Variants in WDR88 observed in about 807,000 individuals in gnomAD.
WDR88 encodes the protein WD repeat-containing protein 88.
Under a neutral mutation model 46.8 loss-of-function variants are expected in WDR88, and 40 were observed. That is an observed-to-expected ratio of 0.86 (90% CI 0.66 to 1.11). The LOEUF is 1.11. WDR88 is among the 50% of genes most tolerant of loss of function. WDR88 has a pLI of 0.00. For synonymous variants in WDR88, 235 were observed against 240.7 expected (o/e 0.98, Z 0.22); for missense variants, 562 against 602.4 (o/e 0.93, Z 0.70).
chr19:33,132,126 C>T lies in WDR88; in HGVS notation c.-44C>T. On this transcript the variant is annotated 5_prime_UTR_variant, in exon 1 of 11. Transcript: ENST00000355868. ...GGCGCGGGCGCGCGGCGCCACCGTT[C>T]CCATCCAGGCTTGTCGGCGGCCACC... 6.5e-7 allele frequency: 1 copy of T among 1,533,624 alleles called. No individual in the cohort carries two copies. The highest frequency in any genetic ancestry group is 8.7e-7 in the Non-Finnish European group (1 of 1,145,060).
In WDR88 at chr19:33,147,637, A is replaced by T. The variant is rs1973546473; in HGVS notation, c.477-8A>T. ...AACCAGTGTTCGTCATCGTCATCTT[A>T]TTTCCAGAGTCATTGCCGCATCCTA... is the stretch of plus-strand genomic sequence containing the variant. On this transcript the variant is annotated splice_polypyrimidine_tract_variant and splice_region_variant and intron_variant, in intron 3 of 10. Transcript: ENST00000355868. The T allele has an allele frequency of 6.2e-7, 1 of 1,613,312 alleles. No individual in the cohort carries two copies. Among genetic ancestry groups the T allele is most frequent in the Non-Finnish European group, 8.5e-7 (1 of 1,179,730 alleles).
At chr19:33,163,535 AC>A (rs201487151) in intron 8 of WDR88, among the ~76,000 whole-genome samples, 5 of 152,036 alleles carry the variant, frequency 3.3e-5, no homozygotes, top group African/African-American at 1.2e-4. Flanking sequence ...AACAACAACA[AC>A]AAAAAAAATA....
chr19:33,165,304 G>A (rs556201001), intron 9 of WDR88, among the ~76,000 whole-genome samples: 7 of 151,884 alleles, frequency 4.6e-5, no homozygotes, highest in African/African-American at 7.3e-5. Flanking sequence ...TGGGAGAGGC[G>A]CTGCCTAGCA....
intron 7 of WDR88, among the ~76,000 whole-genome samples, chr19:33,159,284 G>A (rs1384406456): frequency 6.6e-6 from 1 of 151,608 alleles, no homozygotes; most frequent in Non-Finnish European, 1.5e-5. Context: ...GCTGTGAGCT[G>A]ATTGCATCAC....
chr19:33,145,694 C>A (rs929037614), intron 3 of WDR88, among the ~76,000 whole-genome samples: 5 of 152,046 alleles, frequency 3.3e-5, no homozygotes, highest in Non-Finnish European at 7.4e-5. Context: ...ACCACCACAG[C>A]TGGCTAATTT....
chr19:33,141,175 G>A (rs1179477169), intron 2 of WDR88, among the ~76,000 whole-genome samples: 1 of 149,016 alleles, frequency 6.7e-6, no homozygotes, highest in East Asian at 2.0e-4. Context: ...TGGCTCAAGC[G>A]ACTCTCCTGC....
At chr19:33,162,944 T>C (rs1973893482) in intron 8 of WDR88, among the ~76,000 whole-genome samples, 1 of 152,024 alleles carries the variant, frequency 6.6e-6, no homozygotes, top group African/African-American at 2.4e-5. Context: ...ATGCCTGTAA[T>C]CCCAGCACTT....
intron 9 of WDR88, among the ~76,000 whole-genome samples, chr19:33,170,384 T>C (rs901305553): frequency 3.3e-5 from 5 of 152,032 alleles, no homozygotes; most frequent in Non-Finnish European, 7.4e-5. Flanking sequence ...TTTCCCATGT[T>C]GCCCAGGCTG....
Position 33,147,667 on chromosome 19 carries a change from A to G in WDR88, c.499A>G (p.Lys167Glu), listed in dbSNP as rs779572529. 2 of 1,613,986 alleles carry G rather than the reference A, an allele frequency of 1.2e-6. No homozygotes were observed. The highest frequency in any genetic ancestry group is 1.7e-6 in the Non-Finnish European group (2 of 1,179,950). The change falls in exon 4 of 11, where the codon AAG becomes GAG. Residue 167 changes from lysine (K) to glutamate (E), a missense_variant. By Grantham distance (56) the Lys-to-Glu change is moderately conservative (BLOSUM62 1). Coordinates refer to ENST00000355868, the MANE Select transcript of WDR88 (RefSeq NM_173479.4). ...SSRVIAASYD[K>E]TVRAWDLETG... ...CAGAGTCATTGCCGCATCCTATGAT[A>G]AGACAGTGAGGGCCTGGGACCTGGA...
rs535161653 is a variant in WDR88 at position 33,163,116 on chromosome 19, G to A, written c.1081-1081G>A. On this transcript the variant is annotated intron_variant, in intron 8 of 10. Coordinates refer to ENST00000355868, the MANE Select transcript of WDR88 (RefSeq NM_173479.4). ...TGGGAGGCCGAGGCAGGCAGATCAC[G>A]AAGTCAGAAGATCGAGACCATCCTG... 2.1e-3 allele frequency among the ~76,000 whole-genome samples: 321 copies of A among 152,200 alleles called. 1 individual carries two copies. Among genetic ancestry groups the A allele is most frequent in the African/African-American group, 6.7e-3 (280 of 41,522 alleles).
intron 10 of WDR88, chr19:33,174,386 C>T (rs1002517789): frequency 5.9e-5 from 84 of 1,412,144 alleles, no homozygotes; most frequent in South Asian, 3.8e-4. Flanking sequence ...AGGGCAGGGG[C>T]GCGGCCACCT....
chr19:33,172,001 G>A (rs1206785171), intron 9 of WDR88, among the ~76,000 whole-genome samples: 1 of 152,116 alleles, frequency 6.6e-6, no homozygotes, highest in African/African-American at 2.4e-5. Flanking sequence ...TTGAACTCCT[G>A]ACCTCACCCA....
At chr19:33,146,461 TTCTTTCCTTCC>T (rs759953144) in intron 3 of WDR88, among the ~76,000 whole-genome samples, 28,819 of 110,330 alleles carry the variant, frequency 0.26, 3,259 homozygotes, top group African/African-American at 0.38. Context: ...CCTTCCTTCC[TTCTTTCCTTCC>T]TTCCTTCCTT....
intron 2 of WDR88, among the ~76,000 whole-genome samples, chr19:33,144,301 G>A (rs1973464805): frequency 6.6e-6 from 1 of 152,176 alleles, no homozygotes; most frequent in Admixed American, 6.5e-5. Context: ...CCGGGTTCAA[G>A]CGATTCTCCT....
At chr19:33,172,585 T>C in intron 10 of WDR88, 145 bp downstream of exon 10, 1 of 648,598 alleles carries the variant, frequency 1.5e-6, no homozygotes, top group Non-Finnish European at 2.7e-6. Context: ...GAGCTTAAAT[T>C]CTAAGAGAGG....
At chr19:33,146,181 C>T (rs1973510454) in intron 3 of WDR88, among the ~76,000 whole-genome samples, 1 of 152,174 alleles carries the variant, frequency 6.6e-6, no homozygotes, top group African/African-American at 2.4e-5. Flanking sequence ...CCTGTAATCC[C>T]AGCTACTCGG....
intron 1 of WDR88, 132 bp from the exon 2 acceptor site, chr19:33,137,545 C>A (rs1973296209): frequency 7.8e-6 from 6 of 773,908 alleles, no homozygotes; most frequent in Middle Eastern, 3.8e-4. Flanking sequence ...GAACCACCCC[C>A]CTGGCCAGAA....
At chr19:33,172,985 G>A (rs28663187) in intron 10 of WDR88, among the ~76,000 whole-genome samples, 9,836 of 149,964 alleles carry the variant, frequency 0.066, 491 homozygotes, top group African/African-American at 0.14. Flanking sequence ...CCAGCTACTC[G>A]AGAGGCTAAG....
At chr19:33,156,199 C>T (rs1264599538) in intron 6 of WDR88, among the ~76,000 whole-genome samples, 156 bp from the exon 7 acceptor site, 2 of 152,150 alleles carry the variant, frequency 1.3e-5, no homozygotes, top group African/African-American at 4.8e-5. Flanking sequence ...ATGCTGACCC[C>T]CACTTAGGTA....
Sources: allele counts gnomAD v4.1 joint callset (sites outside exome capture counted in the v4.1 genomes callset), GRCh38; gene constraint gnomAD v4.1.1; transcripts MANE v1.5; gene names NCBI Gene and HGNC (gene_info 2026-07-23, HGNC 2026-07-21).